Variants in TENM4 observed in about 807,000 individuals in gnomAD.
TENM4 encodes teneurin transmembrane protein 4, also known as teneurin-4.
In TENM4, 82 loss-of-function variants were observed where a neutral mutation model predicts 243.3. The ratio of observed to expected loss-of-function variants is 0.34; its 90% CI spans 0.28 to 0.40. The LOEUF (loss-of-function observed/expected upper bound fraction) is 0.40, where lower values mean the gene tolerates loss of function less well. Among genes scored for constraint, TENM4 ranks in the 10% least tolerant of loss-of-function variants. The pLI, the probability that TENM4 is intolerant of heterozygous loss-of-function variation, is 1.00. For missense variants in TENM4, 3,138 were observed against 3,673.3 expected, an observed-to-expected ratio of 0.85 and a Z score of 3.77; for synonymous variants, 1,412 against 1,456.3, an observed-to-expected ratio of 0.97 and a Z score of 0.69.
intron 15 of TENM4, among the ~76,000 whole-genome samples, chr11:78,802,308 A>C (rs971437356): frequency 6.6e-6 from 1 of 152,260 alleles, no homozygotes; most frequent in African/African-American, 2.4e-5. Flanking sequence ...TAATGATTAC[A>C]TAACCCGCTG....
At chr11:79,023,582 G>C (rs1371916113) in intron 6 of TENM4, among the ~76,000 whole-genome samples, 1 of 146,542 alleles carries the variant, frequency 6.8e-6, no homozygotes, top group Admixed American at 6.7e-5. Flanking sequence ...AAAAAATCAT[G>C]ATGACTCTTT....
intron 1 of TENM4, among the ~76,000 whole-genome samples, chr11:79,389,981 G>C (rs940538171): frequency 6.6e-6 from 1 of 152,164 alleles, no homozygotes; most frequent in African/African-American, 2.4e-5. Flanking sequence ...TAACATGGTG[G>C]GTTTTTGTTA....
At chr11:78,778,658 G>A in intron 16 of TENM4, 30 bp from the exon 17 acceptor site, 1 of 1,606,782 alleles carries the variant, frequency 6.2e-7, no homozygotes, top group Non-Finnish European at 8.5e-7. Flanking sequence ...GACATTTAAG[G>A]TAGGATCCAG....
chr11:78,786,884 TCG>T lies in TENM4; in HGVS notation c.2365+12_2365+13del. 1 of 1,589,236 alleles carries T rather than the reference TCG, an allele frequency of 6.3e-7. No homozygotes were observed. Among genetic ancestry groups the T allele is most frequent in the South Asian group, 1.1e-5 (1 of 87,178 alleles). ...AGACCAGAGAAGGTACCCGGGGACCTCGGCCCGCCATACCGATGGTGCAGTGT... is the reference window on the plus strand; with the variant it reads ...AGACCAGAGAAGGTACCCGGGGACCTGCCCGCCATACCGATGGTGCAGTGT... On this transcript the variant is annotated intron_variant, in intron 16 of 33. Coordinates refer to ENST00000278550, the MANE Select transcript of TENM4 (RefSeq NM_001098816.3).
intron 17 of TENM4, among the ~76,000 whole-genome samples, chr11:78,774,138 G>T (rs907819728): frequency 6.6e-6 from 1 of 152,146 alleles, no homozygotes; most frequent in Non-Finnish European, 1.5e-5. Flanking sequence ...GAGTATGTGA[G>T]AGTATTAAAT....
chr11:79,427,809 T>G (rs936735210), intron 1 of TENM4, among the ~76,000 whole-genome samples: 1 of 152,244 alleles, frequency 6.6e-6, no homozygotes, highest in South Asian at 2.1e-4. Context: ...TGAGGCTTAA[T>G]GTGCTTGAAG....
intron 3 of TENM4, among the ~76,000 whole-genome samples, chr11:79,202,902 G>A (rs982404237): frequency 6.6e-6 from 1 of 152,150 alleles, no homozygotes; most frequent in African/African-American, 2.4e-5. Flanking sequence ...CATGCAAATG[G>A]CATCCCACAC....
chr11:78,841,965 T>C (rs1240727761), intron 12 of TENM4, among the ~76,000 whole-genome samples: 1 of 152,178 alleles, frequency 6.6e-6, no homozygotes, highest in Non-Finnish European at 1.5e-5. Flanking sequence ...GTCTGTCTTC[T>C]GAACGTTGGG....
At chr11:79,115,744 A>T (rs1025654235) in intron 4 of TENM4, among the ~76,000 whole-genome samples, 1 of 152,238 alleles carries the variant, frequency 6.6e-6, no homozygotes, top group African/African-American at 2.4e-5. Context: ...AAGCAAGGTG[A>T]GGAAACTGAG....
intron 6 of TENM4, among the ~76,000 whole-genome samples, chr11:78,986,970 T>G (rs1857934256): frequency 1.3e-5 from 2 of 152,206 alleles, no homozygotes; most frequent in African/African-American, 4.8e-5. Context: ...CTTATACAGA[T>G]TCCATGAGGG....
chr11:78,877,651 C>A (rs1379955696), intron 9 of TENM4, among the ~76,000 whole-genome samples: 1 of 152,132 alleles, frequency 6.6e-6, no homozygotes, highest in Non-Finnish European at 1.5e-5. Flanking sequence ...CTTTAAATTG[C>A]CCCCAGGGCC....
intron 18 of TENM4, among the ~76,000 whole-genome samples, chr11:78,770,109 T>C (rs1052846429): frequency 6.6e-6 from 1 of 152,248 alleles, no homozygotes; most frequent in East Asian, 1.9e-4. Context: ...GTTAACTGTT[T>C]TGATGTTTTT....
At position 79,159,103 on chromosome 11, in the gene TENM4, C is replaced by T. The variant is rs527398055; in HGVS notation, c.-162-10297G>A. Among the ~76,000 whole-genome samples, 3 of 152,254 alleles carry T rather than the reference C, an allele frequency of 2.0e-5. No homozygotes were observed. The East Asian group carries it at 5.8e-4, about 29-fold the overall frequency. On this transcript the variant is annotated intron_variant, in intron 3 of 33. Transcript: ENST00000278550. Reference sequence around the variant, plus strand: ...TACTGTTCCTCTTCTGTGGTGGTGACCCTCAAAGCCATGATTTCCAGAATG... The same window carrying T: ...TACTGTTCCTCTTCTGTGGTGGTGATCCTCAAAGCCATGATTTCCAGAATG...
intron 6 of TENM4, among the ~76,000 whole-genome samples, chr11:79,035,877 A>G (rs1859365645): frequency 6.6e-6 from 1 of 152,214 alleles, no homozygotes; most frequent in African/African-American, 2.4e-5. Context: ...TCTCCCAAGG[A>G]AACCACTGTT....
chr11:78,661,996 C>T, intron 32 of TENM4, among the ~76,000 whole-genome samples: 1 of 152,130 alleles, frequency 6.6e-6, no homozygotes, highest in East Asian at 1.9e-4. Context: ...TAATGATTGA[C>T]TTGCAAAGAG....
In TENM4 at chr11:78,997,310, C is replaced by T. The variant is rs541343071; in HGVS notation, c.493+67428G>A. On this transcript the variant is annotated intron_variant, in intron 6 of 33. Coordinates refer to ENST00000278550, the MANE Select transcript of TENM4 (RefSeq NM_001098816.3). ...TATTCTCTGGAGACTCAGGCAAATC[C>T]CATCAGTCTCCAAAGTTTACATATG... Among the ~76,000 whole-genome samples the T allele has an allele frequency of 1.7e-3, 261 of 152,250 alleles. 1 individual carries two copies. Among genetic ancestry groups the T allele is most frequent in the African/African-American group, 6.2e-3 (256 of 41,538 alleles).
At chr11:79,371,036 G>A (rs545920818) in intron 1 of TENM4, among the ~76,000 whole-genome samples, 36 of 152,234 alleles carry the variant, frequency 2.4e-4, no homozygotes, top group African/African-American at 7.9e-4. Context: ...GCCAACAAAT[G>A]TATGTAAATA....
chr11:78,974,718 CTTTTCTTTTTT>C (rs1023739669), intron 6 of TENM4, among the ~76,000 whole-genome samples: 6 of 140,914 alleles, frequency 4.3e-5, no homozygotes, highest in African/African-American at 1.6e-4. Flanking sequence ...TTTTTCTTTT[CTTTTCTTTTTT>C]TTTTTTTTTG....
Position 79,025,032 on chromosome 11 carries a change from T to C in TENM4, c.493+39706A>G, listed in dbSNP as rs73504636. ...GAAAAACCTGCCGGAGGCAGCATTT[T>C]GAGAATTGGCATGCTCCTTTGGGAA... On this transcript the variant is annotated intron_variant, in intron 6 of 33. Coordinates refer to ENST00000278550, the MANE Select transcript of TENM4 (RefSeq NM_001098816.3). Among the ~76,000 whole-genome samples the C allele has an allele frequency of 2.3e-4, 35 of 152,236 alleles. No individual in the cohort carries two copies. In the South Asian group the frequency reaches 4.6e-3, roughly 20 times the overall value.
Sources: allele counts gnomAD v4.1 joint callset (sites outside exome capture counted in the v4.1 genomes callset), GRCh38; gene constraint gnomAD v4.1.1; transcripts MANE v1.5; gene names NCBI Gene and HGNC (gene_info 2026-07-23, HGNC 2026-07-21).